Variants in MBNL2 observed in about 807,000 individuals in gnomAD.
The protein encoded by MBNL2 is muscleblind like splicing regulator 2.
A neutral mutation model predicts 41.9 loss-of-function variants in MBNL2; 17 were observed. The ratio of observed to expected loss-of-function variants is 0.41; its 90% CI spans 0.28 to 0.61. The LOEUF (loss-of-function observed/expected upper bound fraction) is 0.61. Ranked by LOEUF, MBNL2 falls within the 20% of genes least tolerant of loss-of-function variation. The pLI, the probability that MBNL2 is intolerant of heterozygous loss-of-function variation, is 0.35. For missense variants in MBNL2, 336 were observed against 505.6 expected (o/e 0.66, Z 3.22); for synonymous variants, 195 against 182.9 (o/e 1.07, Z -0.53).
At chr13:97,196,766 T>G in the MBNL2 span, among the ~76,000 whole-genome samples, 14 of 152,272 alleles carry the variant, frequency 9.2e-5, no homozygotes, top group Non-Finnish European at 1.8e-4. Context: ...AACCAGAACA[T>G]TTCCACAATT....
chr13:97,295,237 A>G (rs1401326721), intron 2 of MBNL2, among the ~76,000 whole-genome samples: 1 of 152,154 alleles, frequency 6.6e-6, no homozygotes, highest in Non-Finnish European at 1.5e-5. Flanking sequence ...GAAGATACAA[A>G]CATACCTTGA....
At chr13:97,254,818 C>G (rs1474147453) in intron 1 of MBNL2, among the ~76,000 whole-genome samples, 2 of 152,124 alleles carry the variant, frequency 1.3e-5, no homozygotes, top group East Asian at 3.8e-4. Context: ...ACGACTGAAA[C>G]CCAATAGATG....
upstream of MBNL2, among the ~76,000 whole-genome samples, chr13:97,217,182 A>G (rs2040452791): frequency 6.6e-6 from 1 of 150,992 alleles, no homozygotes; most frequent in East Asian, 1.9e-4. Flanking sequence ...ATATGTCTCT[A>G]TGGCTTCTCT....
intron 8 of MBNL2, among the ~76,000 whole-genome samples, chr13:97,389,497 G>A (rs1035682442): frequency 1.3e-5 from 2 of 152,110 alleles, no homozygotes; most frequent in African/African-American, 4.8e-5. Context: ...GAGCCTAGGA[G>A]TTTGAGACAA....
intron 2 of MBNL2, among the ~76,000 whole-genome samples, chr13:97,305,627 T>C (rs2058052155): frequency 6.6e-6 from 1 of 151,956 alleles, no homozygotes; most frequent in South Asian, 2.1e-4. Flanking sequence ...TAGCTGGATG[T>C]GGTGGCACGC....
intron 5 of MBNL2, 25 bp downstream of exon 5, chr13:97,347,092 T>C (rs1315193835): frequency 2.0e-6 from 3 of 1,504,576 alleles, no homozygotes; most frequent in Non-Finnish European, 2.7e-6. Context: ...CCGCCGCCCC[T>C]GCACCCCGGC....
chr13:97,341,489 C>T (rs930271239), intron 3 of MBNL2, among the ~76,000 whole-genome samples: 1 of 152,142 alleles, frequency 6.6e-6, no homozygotes, highest in Non-Finnish European at 1.5e-5. Context: ...GAGTAACATA[C>T]ACATATAAAC....
chr13:97,219,166 C>T (rs907607266), upstream of MBNL2, among the ~76,000 whole-genome samples: 2 of 152,042 alleles, frequency 1.3e-5, no homozygotes, highest in African/African-American at 4.8e-5. Context: ...TAACAAGACC[C>T]CTGGGAGATT....
the MBNL2 span, among the ~76,000 whole-genome samples, chr13:97,193,145 T>C: frequency 6.6e-6 from 1 of 152,192 alleles, no homozygotes. Context: ...TAATGTAGGT[T>C]GTCAGGAGGA....
chr13:97,207,371 C>G, the MBNL2 span, among the ~76,000 whole-genome samples: 1 of 152,164 alleles, frequency 6.6e-6, no homozygotes, highest in African/African-American at 2.4e-5. Context: ...AGAAAAGAAG[C>G]AAGTTTATTT....
At chr13:97,188,911 C>T in the MBNL2 span, among the ~76,000 whole-genome samples, 13 of 152,052 alleles carry the variant, frequency 8.5e-5, no homozygotes, top group African/African-American at 1.9e-4. Flanking sequence ...CCTCTGAAAC[C>T]GCTACACCTT....
At chr13:97,332,199 A>G (rs2060490736) in intron 2 of MBNL2, among the ~76,000 whole-genome samples, 1 of 152,210 alleles carries the variant, frequency 6.6e-6, no homozygotes, top group African/African-American at 2.4e-5. Context: ...GTTTGTGGCT[A>G]AAGAGAGTTT....
chr13:97,161,770 T>G, the MBNL2 span, among the ~76,000 whole-genome samples: 1 of 152,284 alleles, frequency 6.6e-6, no homozygotes, highest in East Asian at 1.9e-4. Flanking sequence ...GCTTGCCATG[T>G]CTTCAGTTGC....
chr13:97,314,658 G>A (rs1397833392), intron 2 of MBNL2, among the ~76,000 whole-genome samples: 1 of 152,172 alleles, frequency 6.6e-6, no homozygotes, highest in Non-Finnish European at 1.5e-5. Flanking sequence ...CATGACTCTT[G>A]GGAGACTCTT....
At chr13:97,249,016 A>G (rs138966705) in intron 1 of MBNL2, among the ~76,000 whole-genome samples, 127 of 152,336 alleles carry the variant, frequency 8.3e-4, no homozygotes, top group African/African-American at 2.7e-3. Flanking sequence ...GTGAGTTGAA[A>G]TTATTCAAAT....
chr13:97,151,363 C>T, the MBNL2 span, among the ~76,000 whole-genome samples: 1 of 152,124 alleles, frequency 6.6e-6, no homozygotes, highest in South Asian at 2.1e-4. Flanking sequence ...TTCCCCAACC[C>T]TGGCAGATGA....
the MBNL2 span, among the ~76,000 whole-genome samples, chr13:97,150,166 G>C: frequency 6.6e-6 from 1 of 152,178 alleles, no homozygotes; most frequent in Non-Finnish European, 1.5e-5. Context: ...CAGAATAAAA[G>C]GAATCAGCAA....
chr13:97,307,416 G>A (rs372138985), intron 2 of MBNL2, among the ~76,000 whole-genome samples: 12 of 151,582 alleles, frequency 7.9e-5, no homozygotes, highest in East Asian at 1.9e-4. Flanking sequence ...AACCTGGAGC[G>A]TATTTTCCCT....
At chr13:97,228,703 T>C (rs1410376448) in intron 1 of MBNL2, among the ~76,000 whole-genome samples, 19 of 151,758 alleles carry the variant, frequency 1.3e-4, no homozygotes, top group Admixed American at 1.2e-3. Context: ...CTAATTTTTG[T>C]ATTTTTAGTA....
Sources: gnomAD v4.1 joint callset for allele counts (sites outside exome capture counted in the v4.1 genomes callset) on GRCh38, gnomAD v4.1.1 for gene constraint, MANE v1.5 for transcripts, NCBI Gene and HGNC (gene_info 2026-07-23, HGNC 2026-07-21) for gene names.